FRMD4A: variants seen among roughly 807,000 people sequenced by gnomAD.
FRMD4A encodes the protein FERM domain containing 4A.
A neutral mutation model predicts 129.1 loss-of-function variants in FRMD4A; 29 were observed. The observed-to-expected ratio is 0.22, with a 90% CI of 0.17 to 0.31. The LOEUF is 0.31. FRMD4A is among the 10% of genes least tolerant of loss of function. The pLI is 1.00. For synonymous variants in FRMD4A, 634 were observed against 571.6 expected, an observed-to-expected ratio of 1.11 and a Z score of -1.56; for missense variants, 1,272 against 1,375.8, an observed-to-expected ratio of 0.92 and a Z score of 1.19.
intron 6 of FRMD4A, among the ~76,000 whole-genome samples, chr10:13,765,992 A>T (rs2092276204): frequency 6.6e-6 from 1 of 152,238 alleles, no homozygotes; most frequent in African/African-American, 2.4e-5. Context: ...GGCTTATCTG[A>T]TGCGCAACTC....
intron 24 of FRMD4A, chr10:13,651,642 C>A: frequency 2.4e-6 from 1 of 423,386 alleles, no homozygotes; most frequent in African/African-American, 2.0e-5. Context: ...CACTGCACTC[C>A]AGCCTGGGCA....
At chr10:13,654,036 C>T (rs983047158) in intron 23 of FRMD4A, 1 of 402,800 alleles carries the variant, frequency 2.5e-6, no homozygotes, top group Non-Finnish European at 4.4e-6. Context: ...TATTTGCTGT[C>T]TTCATCAGCT....
rs769208115 is a variant in FRMD4A, at chr10:14,039,451, AATCAATCTATCTATCTATCTATCT to A, written c.46-180563_46-180540del. On this transcript the variant is annotated intron_variant, in intron 2 of 24. Transcript: ENST00000357447. The stretch of plus-strand genomic sequence containing the variant: ...CTATCTATATTGGAACCCCAAAATC[AATCAATCTATCTATCTATCTATCT>A]ATCTATCTATCTATCTATCTATCTA... Among the ~76,000 whole-genome samples, 441 of 113,780 alleles carry A rather than the reference AATCAATCTATCTATCTATCTATCT, an allele frequency of 3.9e-3. 5 individuals carry two copies. Among genetic ancestry groups the A allele is most frequent in the Non-Finnish European group, 6.1e-3 (322 of 53,220 alleles). The allele number at this position is 113,780 out of a possible 152,430, so 74.6% of individuals were successfully genotyped here. A position where few individuals can be genotyped will look rare whatever the true frequency, so the allele number is the denominator to read the frequency against.
At chr10:14,007,805 C>A (rs932390668) in intron 2 of FRMD4A, among the ~76,000 whole-genome samples, 4 of 152,176 alleles carry the variant, frequency 2.6e-5, no homozygotes, top group Non-Finnish European at 2.9e-5. Flanking sequence ...CCATCCCAAT[C>A]TTTTCCCTCA....
At chr10:13,742,333 GC>G (rs1384025549) in intron 9 of FRMD4A, among the ~76,000 whole-genome samples, 1 of 152,128 alleles carries the variant, frequency 6.6e-6, no homozygotes, top group Non-Finnish European at 1.5e-5. Context: ...CAGGCAGAAA[GC>G]CCCAACCCCA....
At chr10:13,729,898 A>T (rs1190412882) in intron 12 of FRMD4A, among the ~76,000 whole-genome samples, 4 of 152,228 alleles carry the variant, frequency 2.6e-5, no homozygotes, top group African/African-American at 9.7e-5. Context: ...TGATTTACAG[A>T]TATTGAATAT....
At chr10:13,880,277 C>T (rs1021520516) in intron 2 of FRMD4A, among the ~76,000 whole-genome samples, 2 of 152,160 alleles carry the variant, frequency 1.3e-5, no homozygotes, top group Non-Finnish European at 2.9e-5. Flanking sequence ...CTCGTCATCT[C>T]CATTTTGTGC....
At chr10:13,943,675 A>AAAG (rs777021190) in intron 2 of FRMD4A, among the ~76,000 whole-genome samples, 93 of 123,440 alleles carry the variant, frequency 7.5e-4, no homozygotes, top group Admixed American at 1.0e-3. Flanking sequence ...AAAAAAAAAA[A>AAAG]AAAAGAAAAA....
intron 2 of FRMD4A, among the ~76,000 whole-genome samples, chr10:14,134,731 G>A (rs965271166): frequency 1.3e-5 from 2 of 152,110 alleles, no homozygotes; most frequent in African/African-American, 2.4e-5. Context: ...GGGTGGATAA[G>A]TGGATGGGTG....
At chr10:14,293,620 G>GGAA (rs752807753) in intron 2 of FRMD4A, among the ~76,000 whole-genome samples, 2 of 147,046 alleles carry the variant, frequency 1.4e-5, no homozygotes, top group East Asian at 4.0e-4. Context: ...TGAAGATAGA[G>GGAA]AAAAAAAAAA....
rs1564319427 is a variant in FRMD4A, at chr10:14,127,980, T to TTTCTTTCTTTC, written c.45+202077_45+202078insGAAAGAAAGAA. ...TTTCTTTCTTTCTTTCTTTCTTTCCTTCTCTCTCTCTCTCTCTCTCTTTCT... is the reference window on the plus strand; with the variant it reads ...TTTCTTTCTTTCTTTCTTTCTTTCCTTTCTTTCTTTCTCTCTCTCTCTCTCTCTCTCTTTCT... On this transcript the variant is annotated intron_variant, in intron 2 of 24. Transcript: ENST00000357447. Among the ~76,000 whole-genome samples, 7 of 19,380 alleles carry TTTCTTTCTTTC rather than the reference T, an allele frequency of 3.6e-4. 1 individual carries two copies. The highest frequency in any genetic ancestry group is 1.1e-3 in the African/African-American group (5 of 4,430). 12.7% of individuals were successfully genotyped at this position (19,380 alleles called of 152,430 possible). A position where few individuals can be genotyped will look rare whatever the true frequency, so the allele number is the denominator to read the frequency against.
rs183110754 is a variant in FRMD4A at position 14,103,677 on chromosome 10, G to T, written c.45+226381C>A. Reference sequence around the variant, plus strand: ...TTAGTGTATTTATTTCAAATATCAGGCTCTCATTAGTACATAATTGCTAAG... The same window carrying T: ...TTAGTGTATTTATTTCAAATATCAGTCTCTCATTAGTACATAATTGCTAAG... On this transcript the variant is annotated intron_variant, in intron 2 of 24. Coordinates refer to ENST00000357447, the MANE Select transcript of FRMD4A (RefSeq NM_018027.5). Among the ~76,000 whole-genome samples the T allele has an allele frequency of 5.4e-3, 824 of 152,144 alleles. 1 individual carries two copies. The highest frequency in any genetic ancestry group is 8.7e-3 in the Non-Finnish European group (591 of 68,014).
At chr10:13,995,826 T>C (rs1262032839) in intron 2 of FRMD4A, among the ~76,000 whole-genome samples, 1 of 152,084 alleles carries the variant, frequency 6.6e-6, no homozygotes, top group African/African-American at 2.4e-5. Flanking sequence ...CTGCTTTTTT[T>C]TTTTTTTTCT....
rs117362346 is a variant in FRMD4A, at chr10:14,268,955, T to C, written c.45+61103A>G. On this transcript the variant is annotated intron_variant, in intron 2 of 24. Transcript: ENST00000357447. ...TTGGGTAATGATTACCCACTAAGCG[T>C]ATGCCGTTAGGATGAAAGCCAGTGA... 7.5e-4 allele frequency among the ~76,000 whole-genome samples: 114 copies of C among 152,378 alleles called. 2 individuals are homozygous for C. In the East Asian group the frequency reaches 0.018, roughly 24 times the overall value.
At chr10:14,086,642 G>A (rs150117164) in intron 2 of FRMD4A, among the ~76,000 whole-genome samples, 86 of 152,240 alleles carry the variant, frequency 5.6e-4, no homozygotes, top group Admixed American at 2.4e-3. Flanking sequence ...ACCAGGGTAC[G>A]GTTTAACATC....
intron 12 of FRMD4A, among the ~76,000 whole-genome samples, chr10:13,732,568 C>T (rs1315340227): frequency 1.3e-5 from 2 of 152,230 alleles, no homozygotes; most frequent in African/African-American, 4.8e-5. Context: ...GTCAGAGTGT[C>T]AGGGAGGGCC....
At chr10:13,687,589 T>G (rs561400560) in intron 15 of FRMD4A, among the ~76,000 whole-genome samples, 1 of 152,314 alleles carries the variant, frequency 6.6e-6, no homozygotes, top group South Asian at 2.1e-4. Context: ...CCTGAACATG[T>G]CTTAACCAGA....
chr10:13,761,038 A>G (rs2092052499), intron 8 of FRMD4A, among the ~76,000 whole-genome samples: 1 of 152,202 alleles, frequency 6.6e-6, no homozygotes, highest in South Asian at 2.1e-4. Context: ...AGCCATACTG[A>G]TCAACATATG....
intron 3 of FRMD4A, among the ~76,000 whole-genome samples, chr10:13,814,169 C>A (rs78312787): frequency 6.6e-6 from 1 of 152,020 alleles, no homozygotes; most frequent in African/African-American, 2.4e-5. Flanking sequence ...GGTGATTATG[C>A]CTGGTCAACC....
Sources: allele counts gnomAD v4.1 joint callset (sites outside exome capture counted in the v4.1 genomes callset), GRCh38; gene constraint gnomAD v4.1.1; transcripts MANE v1.5; gene names NCBI Gene and HGNC (gene_info 2026-07-23, HGNC 2026-07-21).